The following KCNMA1 variants were observed in gnomAD, a reference collection of about 807,000 sequenced individuals.
KCNMA1 encodes potassium calcium-activated channel subfamily M alpha 1, also known as Calcium-activated potassium channel subunit alpha-1.
Under a neutral mutation model 140.0 loss-of-function variants are expected in KCNMA1, and 29 were observed. The ratio of observed to expected loss-of-function variants is 0.21; its 90% CI spans 0.15 to 0.28. KCNMA1 has a LOEUF of 0.28. Among genes scored for constraint, KCNMA1 ranks in the 10% least tolerant of loss-of-function variants. The pLI is 1.00. For missense variants in KCNMA1, 880 were observed against 1,602.2 expected (o/e 0.55, Z 7.70); for synonymous variants, 612 against 611.9 (o/e 1.00, Z 0.00).
intron 1 of KCNMA1, among the ~76,000 whole-genome samples, chr10:77,520,222 C>T (rs199901348): frequency 0.069 from 141 of 2,044 alleles, no homozygotes; most frequent in East Asian, 0.15. Flanking sequence ...CTGGGGTATG[C>T]AGTGTGAGGG....
At chr10:76,992,134 A>G (rs2082948030) in intron 19 of KCNMA1, among the ~76,000 whole-genome samples, 1 of 152,202 alleles carries the variant, frequency 6.6e-6, no homozygotes, top group Admixed American at 6.5e-5. Flanking sequence ...TTTCAGATTT[A>G]CTAGAAAAGG....
rs952122781 is a variant in KCNMA1 at position 77,540,960 on chromosome 10, G to A, written c.378+96305C>T. On this transcript the variant is annotated intron_variant, in intron 1 of 27. Coordinates refer to ENST00000286628, the MANE Select transcript of KCNMA1 (RefSeq NM_001161352.2). ...GCAGAGATCGCAGTGAGCCAAGATC[G>A]CACCACTGCACTCCAGCTTGGGCAA... 5.3e-5 allele frequency among the ~76,000 whole-genome samples: 8 copies of A among 150,548 alleles called. No individual in the cohort carries two copies. In the East Asian group the frequency reaches 7.9e-4, roughly 15 times the overall value.
At chr10:77,090,350 G>T (rs199896891) in intron 10 of KCNMA1, 50 bp downstream of exon 10, 17 of 1,201,424 alleles carry the variant, frequency 1.4e-5, no homozygotes, top group Non-Finnish European at 2.1e-5. Flanking sequence ...GGAGTCCCTC[G>T]CAGGGTGTGT....
intron 5 of KCNMA1, among the ~76,000 whole-genome samples, chr10:77,164,541 C>A (rs1217723974): frequency 1.3e-5 from 2 of 151,246 alleles, no homozygotes; most frequent in South Asian, 2.1e-4. Context: ...TTTTGGAATC[C>A]TGAAACATGA....
At chr10:77,063,656 C>A (rs1383476459) in intron 14 of KCNMA1, 1 of 834,606 alleles carries the variant, frequency 1.2e-6, no homozygotes, top group African/African-American at 1.8e-5. Flanking sequence ...CACCTTAGGG[C>A]AACGACAACC....
At chr10:77,480,207 C>T (rs1187368187) in intron 1 of KCNMA1, among the ~76,000 whole-genome samples, 1 of 152,232 alleles carries the variant, frequency 6.6e-6, no homozygotes, top group Non-Finnish European at 1.5e-5. Flanking sequence ...ACTCAGACAT[C>T]AGGATGTGTC....
intron 2 of KCNMA1, among the ~76,000 whole-genome samples, chr10:77,295,644 G>A (rs375515784): frequency 0.022 from 3,376 of 150,374 alleles, 66 homozygotes; most frequent in Admixed American, 0.07. Flanking sequence ...AGCCGGGCGC[G>A]GTGGCGGGCG....
At chr10:77,180,465 C>A (rs993822894) in intron 5 of KCNMA1, among the ~76,000 whole-genome samples, 2 of 152,202 alleles carry the variant, frequency 1.3e-5, no homozygotes, top group Non-Finnish European at 2.9e-5. Flanking sequence ...TAAAGCATTT[C>A]ATTAAAGGTG....
chr10:77,584,109 AGTT>A (rs1177721977), intron 1 of KCNMA1, among the ~76,000 whole-genome samples: 1 of 152,180 alleles, frequency 6.6e-6, no homozygotes, highest in Non-Finnish European at 1.5e-5. Flanking sequence ...TTCTTAGCTC[AGTT>A]ACAAAAACGC....
chr10:76,914,440 C>A, intron 24 of KCNMA1: 1 of 470,922 alleles, frequency 2.1e-6, no homozygotes, highest in South Asian at 2.9e-5. Flanking sequence ...CTGAGATATT[C>A]AACTACGATA....
intron 19 of KCNMA1, among the ~76,000 whole-genome samples, chr10:76,994,389 C>T (rs967835936): frequency 3.9e-5 from 6 of 152,232 alleles, no homozygotes; most frequent in African/African-American, 1.4e-4. Flanking sequence ...CACATCCTCC[C>T]TGTGTACTCA....
At chr10:77,175,902 A>G (rs2098748278) in intron 5 of KCNMA1, among the ~76,000 whole-genome samples, 3 of 152,206 alleles carry the variant, frequency 2.0e-5, no homozygotes, top group African/African-American at 7.2e-5. Flanking sequence ...TGGCCAAACC[A>G]TACTATTTGT....
At chr10:77,634,346 A>C (rs954012129) in intron 1 of KCNMA1, 2 of 985,342 alleles carry the variant, frequency 2.0e-6, no homozygotes, top group Admixed American at 6.1e-5. Flanking sequence ...TCACTTTCTG[A>C]AAAAGTCCAC....
At chr10:77,577,817 T>C (rs2074685520) in intron 1 of KCNMA1, among the ~76,000 whole-genome samples, 2 of 152,138 alleles carry the variant, frequency 1.3e-5, no homozygotes. Flanking sequence ...CCCTCCACAG[T>C]TCACATTGGC....
exon 28 of KCNMA1, chr10:76,870,192 G>T (rs936406893): frequency 3.9e-5 from 6 of 152,564 alleles, no homozygotes; most frequent in African/African-American, 4.8e-5. Flanking sequence ...TGGAAGTGAG[G>T]CTCAGTCCAC....
In KCNMA1 at chr10:77,123,129, G is replaced by GAGATCGCGCCACTGC. The variant is rs552192732; in HGVS notation, c.809-2096_809-2082dup. Among the ~76,000 whole-genome samples, 1,291 of 129,226 alleles carry GAGATCGCGCCACTGC rather than the reference G, an allele frequency of 1.0e-2. 25 individuals are homozygous for GAGATCGCGCCACTGC. The highest frequency in any genetic ancestry group is 0.036 in the African/African-American group (1,221 of 33,620). 84.8% of individuals were successfully genotyped at this position (129,226 alleles called of 152,430 possible). On this transcript the variant is annotated intron_variant, in intron 5 of 27. Coordinates refer to ENST00000286628, the MANE Select transcript of KCNMA1 (RefSeq NM_001161352.2). ...CGGGAGGCGGAGCTTGCAGTAAGCCGAGATCGCGCCACTGCACTCCAGCCT... is the reference window on the plus strand; with the variant it reads ...CGGGAGGCGGAGCTTGCAGTAAGCCGAGATCGCGCCACTGCAGATCGCGCCACTGCACTCCAGCCT...
At chr10:77,521,059 G>A (rs540479960) in intron 1 of KCNMA1, among the ~76,000 whole-genome samples, 23 of 152,316 alleles carry the variant, frequency 1.5e-4, no homozygotes, top group Non-Finnish European at 2.5e-4. Context: ...CTGCTACGAC[G>A]TGTCAGCCTC....
intron 26 of KCNMA1, 176 bp downstream of exon 26, chr10:76,891,349 C>A: frequency 1.5e-6 from 1 of 655,810 alleles, no homozygotes. Flanking sequence ...AATGACTATG[C>A]ATAGAGCAAA....
At chr10:77,118,241 A>G (rs2097526143) in intron 6 of KCNMA1, among the ~76,000 whole-genome samples, 1 of 152,198 alleles carries the variant, frequency 6.6e-6, no homozygotes, top group African/African-American at 2.4e-5. Flanking sequence ...AGAGTATGGA[A>G]GAGTCACAGG....
Sources: gnomAD v4.1 joint callset for allele counts (sites outside exome capture counted in the v4.1 genomes callset) on GRCh38, gnomAD v4.1.1 for gene constraint, MANE v1.5 for transcripts, NCBI Gene and HGNC (gene_info 2026-07-23, HGNC 2026-07-21) for gene names.